The following ZFYVE9 variants were observed in gnomAD, a reference collection of about 807,000 sequenced individuals.
The protein encoded by ZFYVE9 is zinc finger FYVE-type containing 9.
Under a neutral mutation model 126.7 loss-of-function variants are expected in ZFYVE9, and 43 were observed. That is an observed-to-expected ratio of 0.34 (90% CI 0.27 to 0.44). The LOEUF is 0.44. Ranked by LOEUF, ZFYVE9 falls within the 20% of genes least tolerant of loss-of-function variation. The pLI, the probability that ZFYVE9 is intolerant of heterozygous loss-of-function variation, is 1.00. For missense variants in ZFYVE9, 1,476 were observed against 1,697.0 expected (o/e 0.87, Z 2.29); for synonymous variants, 521 against 597.4 (o/e 0.87, Z 1.87).
intron 1 of ZFYVE9, among the ~76,000 whole-genome samples, chr1:52,147,890 G>C (rs913372086): frequency 6.6e-6 from 1 of 151,710 alleles, no homozygotes; most frequent in Non-Finnish European, 1.5e-5. Context: ...CTGTTTTTTT[G>C]ATTATAACCA....
intron 9 of ZFYVE9, among the ~76,000 whole-genome samples, chr1:52,278,892 G>A (rs1038569649): frequency 6.6e-6 from 1 of 151,670 alleles, no homozygotes; most frequent in Non-Finnish European, 1.5e-5. Flanking sequence ...CACCACGCCC[G>A]GCTAATTTTT....
intron 2 of ZFYVE9, among the ~76,000 whole-genome samples, chr1:52,218,835 G>A (rs1222746320): frequency 6.6e-6 from 1 of 152,100 alleles, no homozygotes; most frequent in Non-Finnish European, 1.5e-5. Context: ...AGGAGGAGGA[G>A]CAAACCTCAT....
intron 9 of ZFYVE9, 27 bp downstream of exon 9, chr1:52,278,641 A>T (rs1645771636): frequency 6.9e-7 from 1 of 1,446,522 alleles, no homozygotes; most frequent in South Asian, 1.3e-5. Context: ...TAAAAATTAA[A>T]ATCAGATGTT....
At chr1:52,277,937 G>A (rs1460058714) in intron 8 of ZFYVE9, among the ~76,000 whole-genome samples, 1 of 152,130 alleles carries the variant, frequency 6.6e-6, no homozygotes, top group Non-Finnish European at 1.5e-5. Context: ...TATACTTAAA[G>A]GAATTGTTTT....
intron 1 of ZFYVE9, among the ~76,000 whole-genome samples, chr1:52,183,503 GTATT>G (rs1644733978): frequency 1.3e-5 from 2 of 152,148 alleles, no homozygotes; most frequent in Admixed American, 1.3e-4. Context: ...AATTATTTAT[GTATT>G]TATTTGTTTG....
At chr1:52,196,143 C>G (rs1377630418) in intron 1 of ZFYVE9, among the ~76,000 whole-genome samples, 2 of 152,114 alleles carry the variant, frequency 1.3e-5, no homozygotes, top group Non-Finnish European at 2.9e-5. Context: ...CATTGTTTGT[C>G]ATTGAGCTCT....
At chr1:52,342,408 G>A (rs1646445698) in intron 17 of ZFYVE9, among the ~76,000 whole-genome samples, 1 of 151,748 alleles carries the variant, frequency 6.6e-6, no homozygotes, top group Admixed American at 6.6e-5. Flanking sequence ...TGGGATTACA[G>A]GCGCCCGCTA....
chr1:52,333,260 A>G (rs1319724129), intron 14 of ZFYVE9, among the ~76,000 whole-genome samples: 1 of 151,640 alleles, frequency 6.6e-6, no homozygotes. Context: ...TGTTGTGCAC[A>G]TGTACCCTAG....
intron 13 of ZFYVE9, among the ~76,000 whole-genome samples, chr1:52,323,159 A>G (rs534768161): frequency 6.6e-6 from 1 of 152,288 alleles, no homozygotes; most frequent in Non-Finnish European, 1.5e-5. Flanking sequence ...CTCTGGCCAC[A>G]CTGTCCTCAG....
chr1:52,223,477 C>T (rs1205742603), intron 2 of ZFYVE9, among the ~76,000 whole-genome samples: 2 of 152,252 alleles, frequency 1.3e-5, no homozygotes, highest in South Asian at 4.2e-4. Flanking sequence ...ACCTTTTGGG[C>T]CTCTTAAAAG....
chr1:52,204,689 T>C (rs1450966035), intron 1 of ZFYVE9, among the ~76,000 whole-genome samples: 6 of 151,860 alleles, frequency 4.0e-5, no homozygotes, highest in African/African-American at 1.2e-4. Context: ...ATCTCGCCAC[T>C]GCACTCCAGC....
intron 17 of ZFYVE9, among the ~76,000 whole-genome samples, chr1:52,340,904 CAAAAAAAAAAAAA>C (rs10608842): frequency 3.0e-5 from 3 of 100,678 alleles, no homozygotes; most frequent in South Asian, 6.5e-4. Context: ...GACTCCGTCT[CAAAAAAAAAAAAA>C]AAAAAAAAAA....
At chr1:52,172,366 A>G (rs958069547) in intron 1 of ZFYVE9, among the ~76,000 whole-genome samples, 89 of 152,086 alleles carry the variant, frequency 5.9e-4, no homozygotes, top group African/African-American at 1.6e-3. Context: ...CTATATCTCT[A>G]TTTTGGTACC....
intron 1 of ZFYVE9, among the ~76,000 whole-genome samples, chr1:52,181,022 T>G (rs1043131590): frequency 1.3e-5 from 2 of 150,578 alleles, no homozygotes; most frequent in African/African-American, 2.4e-5. Flanking sequence ...TGCTGGAAAT[T>G]CTGTTAAATA....
At chr1:52,186,017 G>A (rs1390775319) in intron 1 of ZFYVE9, among the ~76,000 whole-genome samples, 2 of 150,616 alleles carry the variant, frequency 1.3e-5, no homozygotes, top group Non-Finnish European at 3.0e-5. Context: ...GAGACGGGTG[G>A]ATCACTTGAG....
intron 17 of ZFYVE9, 29 bp downstream of exon 17, chr1:52,340,260 C>A (rs1410052401): frequency 1.3e-6 from 2 of 1,580,152 alleles, no homozygotes; most frequent in Admixed American, 1.7e-5. Context: ...GCATACTTGA[C>A]CCACTTTGAG....
chr1:52,298,552 G>A (rs1645999740), intron 12 of ZFYVE9, among the ~76,000 whole-genome samples: 1 of 152,048 alleles, frequency 6.6e-6, no homozygotes, highest in African/African-American at 2.4e-5. Flanking sequence ...TTATAGTTTT[G>A]TAGTATATTT....
chr1:52,326,177 T>C (rs1410093684), intron 13 of ZFYVE9, among the ~76,000 whole-genome samples: 4 of 152,228 alleles, frequency 2.6e-5, no homozygotes, highest in Admixed American at 2.6e-4. Context: ...TTTCTCTGCC[T>C]TTTACTGGTA....
intron 1 of ZFYVE9, chr1:52,162,211 T>A: frequency 4.2e-6 from 1 of 240,712 alleles, no homozygotes; most frequent in Non-Finnish European, 8.9e-6. Flanking sequence ...AGGAATGAGA[T>A]CTTGATTGTG....
Sources: allele counts gnomAD v4.1 joint callset (sites outside exome capture counted in the v4.1 genomes callset), GRCh38; gene constraint gnomAD v4.1.1; transcripts MANE v1.5; gene names NCBI Gene and HGNC (gene_info 2026-07-23, HGNC 2026-07-21).